The following FANCI variants were observed in gnomAD, a reference collection of about 807,000 sequenced individuals.
FANCI encodes the protein Fanconi anemia group I protein.
FANCI carries 156 observed loss-of-function variants against 176.1 expected under a neutral mutation model. The observed-to-expected ratio is 0.89, with a 90% confidence interval of 0.78 to 1.01. FANCI has a LOEUF of 1.01. FANCI is among the 50% of genes least tolerant of loss of function. The probability of loss-of-function intolerance (pLI) is 0.00; values close to 1 mark genes in which losing one functional copy is unlikely to be tolerated. For synonymous variants in FANCI, 613 were observed against 541.7 expected, an observed-to-expected ratio of 1.13 and a Z score of -1.83; for missense variants, 1,678 against 1,534.1, an observed-to-expected ratio of 1.09 and a Z score of -1.57.
At chr15:89,305,825 T>C in intron 31 of FANCI, 127 bp downstream of exon 31, 3 of 1,153,558 alleles carry the variant, frequency 2.6e-6, no homozygotes, top group Non-Finnish European at 3.8e-6. Context: ...GATTTTTTCC[T>C]ATGTGATGAA....
At chr15:89,251,302 A>G (rs1213195041) in intron 2 of FANCI, among the ~76,000 whole-genome samples, 2 of 152,340 alleles carry the variant, frequency 1.3e-5, no homozygotes, top group African/African-American at 4.8e-5. Context: ...ATAGAAGAAA[A>G]GAGAAAGTTA....
At position 89,281,230 on chromosome 15, in the gene FANCI, T is replaced by G. The variant is rs775192850; in HGVS notation, c.1442T>G (p.Val481Gly). 9.9e-6 allele frequency: 16 copies of G among 1,613,858 alleles called. No homozygotes were observed. Among genetic ancestry groups the G allele is most frequent in the Non-Finnish European group, 1.3e-5 (15 of 1,179,906 alleles). ...GTTCTTCAAAGTTGTTCTTCTAAAG[T>G]CACAGAAGCTTTTGACTATTTGTCC... ...PLVLQSCSSK[V>G]TEAFDYLSFL... Residue 481 changes from valine (V) to glycine (G), a missense_variant, in exon 15 of 38, where the codon GTC (valine) becomes GGC (glycine). By Grantham distance (109) the Val-to-Gly change is moderately radical. Around this residue, in one of 3 missense-constraint regions of FANCI, gnomAD observed 1,204 missense variants for 1,077.4 expected, o/e 1.12. Transcript: ENST00000310775.
intron 18 of FANCI, among the ~76,000 whole-genome samples, chr15:89,288,748 A>G (rs905200610): frequency 4.6e-5 from 7 of 151,268 alleles, no homozygotes; most frequent in Admixed American, 3.3e-4. Context: ...CCCCATCCCC[A>G]AACGATTGGG....
rs1319100987 is a variant in FANCI, at chr15:89,281,214, A to G, written c.1426A>G (p.Ser476Gly). 1 of 1,613,772 alleles carries G rather than the reference A, an allele frequency of 6.2e-7. No individual in the cohort carries two copies. Among genetic ancestry groups the G allele is most frequent in the African/African-American group, 1.3e-5 (1 of 74,926 alleles). The change falls in exon 15 of 38, where the codon AGT becomes GGT. Residue 476 changes from serine to glycine, a missense_variant. Physicochemically the swap from Ser to Gly is moderately conservative, Grantham distance 56. Transcript: ENST00000310775. ...IVMYAPLVLQ[S>G]CSSKVTEAFD... The stretch of plus-strand genomic sequence containing the variant: ...CATGTATGCACCCTTAGTTCTTCAA[A>G]GTTGTTCTTCTAAAGTCACAGAAGC...
intron 10 of FANCI, 60 bp downstream of exon 10, chr15:89,268,585 G>A: frequency 6.2e-7 from 1 of 1,603,772 alleles, no homozygotes; most frequent in Non-Finnish European, 8.5e-7. Flanking sequence ...TTGAACTTAA[G>A]CCACTGTTAT....
chr15:89,256,241 C>G (rs1329808057), intron 2 of FANCI, among the ~76,000 whole-genome samples: 2 of 152,196 alleles, frequency 1.3e-5, no homozygotes, highest in Admixed American at 6.5e-5. Flanking sequence ...CCTCTACCCA[C>G]TAGATTCCAA....
In FANCI at chr15:89,261,693, A is replaced by G. The variant is rs1205595137; in HGVS notation, c.397A>G (p.Ile133Val). The change falls in exon 5 of 38, where the codon ATT (isoleucine) becomes GTT (valine). Residue 133 changes from isoleucine (I) to valine (V), a missense_variant. Coordinates refer to ENST00000310775, the MANE Select transcript of FANCI (RefSeq NM_001113378.2). ...NGKSLELLPI[I>V]LTALATKKEN... ...AAAATCTTTGGAGTTACTACCTATC[A>G]TTCTCACTGCCCTGGCTACGAAAAA... 2 of 1,614,132 alleles carry G rather than the reference A, an allele frequency of 1.2e-6. No individual in the cohort carries two copies. Among genetic ancestry groups the G allele is most frequent in the East Asian group, 2.2e-5 (1 of 44,860 alleles).
At chr15:89,316,191 A>G in intron 37 of FANCI, 1 of 601,984 alleles carries the variant, frequency 1.7e-6, no homozygotes, top group East Asian at 2.8e-5. Context: ...TCCTAAAAGG[A>G]GGTGCCACTG....
chr15:89,315,994 G>A (rs2055231779), intron 37 of FANCI, among the ~76,000 whole-genome samples: 2 of 152,132 alleles, frequency 1.3e-5, no homozygotes, highest in Admixed American at 1.3e-4. Context: ...ACATACAAGT[G>A]CCCTGGATTT....
Position 89,276,874 on chromosome 15 carries a change from C to T in FANCI, c.1276C>T (p.Leu426=), listed in dbSNP as rs2053429395. ...TGCATGTAAGCTCGGAGCTAATATCCTGTTGGAAACTTTTAAGGTGAGACA... is the reference window on the plus strand; with the variant it reads ...TGCATGTAAGCTCGGAGCTAATATCTTGTTGGAAACTTTTAAGGTGAGACA... ...QHACKLGANI[L]LETFKIHEMI... The change falls in exon 13 of 38, where the codon CTG becomes TTG. Residue 426 remains leucine (L), a synonymous_variant. Transcript: ENST00000310775. 3 of 1,614,180 alleles carry T rather than the reference C, an allele frequency of 1.9e-6. No individual in the cohort carries two copies. The highest frequency in any genetic ancestry group is 2.2e-5 in the East Asian group (1 of 44,868).
At chr15:89,303,456 T>C (rs1288388888) in intron 27 of FANCI, among the ~76,000 whole-genome samples, 1 of 152,232 alleles carries the variant, frequency 6.6e-6, no homozygotes, top group Non-Finnish European at 1.5e-5. Context: ...TTTTGGCTTC[T>C]AAATGCTAAT....
At chr15:89,249,373 G>A (rs533499272) in intron 2 of FANCI, among the ~76,000 whole-genome samples, 87 of 152,218 alleles carry the variant, frequency 5.7e-4, no homozygotes, top group African/African-American at 2.1e-3. Flanking sequence ...ATTTAAAGGT[G>A]GGATCTCACC....
At chr15:89,253,207 A>G (rs1282094855) in intron 2 of FANCI, among the ~76,000 whole-genome samples, 1 of 152,238 alleles carries the variant, frequency 6.6e-6, no homozygotes, top group Non-Finnish European at 1.5e-5. Context: ...ATTACATCTT[A>G]AAACACTGAA....
At chr15:89,305,537 G>T in intron 30 of FANCI, 68 bp from the exon 31 acceptor site, 2 of 1,602,504 alleles carry the variant, frequency 1.2e-6, no homozygotes, top group South Asian at 2.2e-5. Context: ...GTGGCCAGGT[G>T]ACCACAGTTA....
chr15:89,307,447 T>G (rs2054767648), intron 32 of FANCI, 29 bp from the exon 33 acceptor site: 5 of 1,604,572 alleles, frequency 3.1e-6, no homozygotes, highest in Admixed American at 1.7e-5. Context: ...TAGGACAGTC[T>G]ACTAAATCTA....
chr15:89,263,090 C>G (rs149771006), intron 6 of FANCI, among the ~76,000 whole-genome samples: 1 of 152,128 alleles, frequency 6.6e-6, no homozygotes, highest in Non-Finnish European at 1.5e-5. Context: ...GCATATATTT[C>G]AAATAGTAAA....
intron 9 of FANCI, 66 bp downstream of exon 9, chr15:89,264,673 C>A: frequency 1.4e-6 from 2 of 1,458,422 alleles, no homozygotes. Context: ...TGTATTTTAG[C>A]TATTTCATTT....
At position 89,307,487 on chromosome 15, in the gene FANCI, G is replaced by A. The variant is rs774699547; in HGVS notation, c.3549G>A (p.Val1183=). The change falls in exon 33 of 38, where the codon GTG becomes GTA. Residue 1183 remains valine, a synonymous_variant. Coordinates refer to ENST00000310775, the MANE Select transcript of FANCI (RefSeq NM_001113378.2). ...TCTTTTTTTATTAGTATCTCCAGGT[G>A]TGTCAGAGCTCCGGAGGAATTCCAA... ...LTALVRYYLQ[V]CQSSGGIPKN... 7 of 1,614,124 alleles carry A rather than the reference G, an allele frequency of 4.3e-6. No homozygotes were observed. The highest frequency in any genetic ancestry group is 1.1e-5 in the South Asian group (1 of 91,074).
At chr15:89,297,762 C>T (rs1387405784) in intron 24 of FANCI, among the ~76,000 whole-genome samples, 81 of 46,094 alleles carry the variant, frequency 1.8e-3, no homozygotes, top group Admixed American at 2.8e-3. Context: ...AGAGGGAGAC[C>T]GTGGGGAGAG....
Sources: gnomAD v4.1 joint callset for allele counts (sites outside exome capture counted in the v4.1 genomes callset) on GRCh38, gnomAD v4.1.1 for gene constraint, gnomAD v4.1.1 regional missense constraint, MANE v1.5 for transcripts, NCBI Gene and HGNC (gene_info 2026-07-23, HGNC 2026-07-21) for gene names.